The following ITPR2 variants were observed in gnomAD, a reference collection of about 807,000 sequenced individuals.
ITPR2 encodes the protein inositol 1,4,5-trisphosphate-gated calcium channel ITPR2.
ITPR2 carries 207 observed loss-of-function variants against 317.1 expected under a neutral mutation model. That is an observed-to-expected ratio of 0.65 (90% CI 0.58 to 0.73). The LOEUF (loss-of-function observed/expected upper bound fraction) is 0.73, where lower values mean the gene tolerates loss of function less well. ITPR2 is among the 30% of genes least tolerant of loss of function. The probability of loss-of-function intolerance (pLI) is 0.00; values close to 1 mark genes in which losing one functional copy is unlikely to be tolerated. For synonymous variants in ITPR2, 1,156 were observed against 1,149.1 expected (o/e 1.01, Z -0.12); for missense variants, 2,613 against 3,284.0 (o/e 0.80, Z 4.99).
Position 26,686,507 on chromosome 12 carries a change from A to C in ITPR2, c.1122T>G (p.Leu374=). Residue 374 remains leucine (L), a synonymous_variant, in exon 11 of 57, where the codon CTT becomes CTG. Transcript: ENST00000381340. Reference sequence around the variant, plus strand: ...TTGGAACCAGGCAGTCAGCTCTCTGAAGAGTTGTGGCATCTAGTTCAAAAA... The same window carrying C: ...TTGGAACCAGGCAGTCAGCTCTCTGCAGAGTTGTGGCATCTAGTTCAAAAA... ...ASLFELDATT[L]QRADCLVPRN... The C allele has an allele frequency of 1.2e-6, 2 of 1,602,628 alleles. No individual in the cohort carries two copies. The highest frequency in any genetic ancestry group is 1.7e-6 in the Non-Finnish European group (2 of 1,174,166).
chr12:26,598,149 CCAGA>C (rs1272038084), intron 30 of ITPR2, among the ~76,000 whole-genome samples: 2 of 151,990 alleles, frequency 1.3e-5, no homozygotes, highest in African/African-American at 4.8e-5. Context: ...TCTCACATTT[CCAGA>C]CAATGAAGAG....
intron 2 of ITPR2, among the ~76,000 whole-genome samples, chr12:26,782,070 A>AGC (rs1555190866): frequency 0.071 from 8,701 of 121,790 alleles, 529 homozygotes; most frequent in Non-Finnish European, 0.091. Context: ...AGAGAGAGAG[A>AGC]GAGCGAGAGA....
At chr12:26,754,551 T>C (rs1463251760) in intron 2 of ITPR2, among the ~76,000 whole-genome samples, 1 of 152,212 alleles carries the variant, frequency 6.6e-6, no homozygotes, top group Admixed American at 6.5e-5. Flanking sequence ...ATAAAGAAAG[T>C]GAAATGTGTT....
Position 26,657,853 on chromosome 12 carries a change from G to A in ITPR2, c.2046C>T (p.Ser682=), listed in dbSNP as rs373537251. Residue 682 remains serine (S), a synonymous_variant, in exon 18 of 57, where the codon TCC becomes TCT. Coordinates refer to ENST00000381340, the MANE Select transcript of ITPR2 (RefSeq NM_002223.4). ...SMQADNPMES[S]ILSDDIDDEE... ...CATCATCAATGTCATCTGAAAGGAT[G>A]GAGCTCTCCATGGGGTTGTCTGCTT... 1 of 1,614,034 alleles carries A rather than the reference G, an allele frequency of 6.2e-7. No individual in the cohort carries two copies. Among genetic ancestry groups the A allele is most frequent in the African/African-American group, 1.3e-5 (1 of 74,928 alleles).
At chr12:26,734,518 T>C (rs1241135559) in intron 2 of ITPR2, among the ~76,000 whole-genome samples, 1 of 152,164 alleles carries the variant, frequency 6.6e-6, no homozygotes, top group African/African-American at 2.4e-5. Context: ...GCAATAATTT[T>C]CTAATAGGTG....
chr12:26,546,620 T>C (rs1251615910), intron 37 of ITPR2, among the ~76,000 whole-genome samples: 1 of 151,986 alleles, frequency 6.6e-6, no homozygotes, highest in Non-Finnish European at 1.5e-5. Flanking sequence ...AGAACAAAGC[T>C]GGAGGCATCA....
chr12:26,564,187 A>C (rs1439205102), intron 34 of ITPR2, among the ~76,000 whole-genome samples: 1 of 152,238 alleles, frequency 6.6e-6, no homozygotes, highest in Non-Finnish European at 1.5e-5. Context: ...CTAAAAATTA[A>C]GCATAAAAGA....
intron 9 of ITPR2, among the ~76,000 whole-genome samples, chr12:26,697,904 T>C (rs1264702497): frequency 6.6e-6 from 1 of 151,990 alleles, no homozygotes; most frequent in African/African-American, 2.4e-5. Flanking sequence ...AAAACATAAA[T>C]ACAAAATTAA....
At chr12:26,689,348 C>A (rs1592040637) in intron 10 of ITPR2, among the ~76,000 whole-genome samples, 1 of 151,926 alleles carries the variant, frequency 6.6e-6, no homozygotes, top group Middle Eastern at 3.4e-3. Flanking sequence ...GCCCGGAGGT[C>A]GAGGCCACAG....
chr12:26,408,362 A>G (rs1052406243), intron 52 of ITPR2, among the ~76,000 whole-genome samples: 46 of 152,210 alleles, frequency 3.0e-4, no homozygotes, highest in Admixed American at 2.6e-3. Flanking sequence ...TTCTAAAAAT[A>G]TTTACTTTTT....
intron 26 of ITPR2, among the ~76,000 whole-genome samples, chr12:26,618,501 G>A (rs1946419759): frequency 6.6e-6 from 1 of 152,160 alleles, no homozygotes; most frequent in East Asian, 1.9e-4. Context: ...AATATATCAA[G>A]TGTACTCAAT....
intron 32 of ITPR2, among the ~76,000 whole-genome samples, chr12:26,582,109 C>T (rs11048592): frequency 0.032 from 4,909 of 152,200 alleles, 125 homozygotes; most frequent in Middle Eastern, 0.092. Flanking sequence ...TTCATTTAAA[C>T]AAGAAATTCA....
In ITPR2 at chr12:26,659,216, T is replaced by C. The variant is rs1947441790; in HGVS notation, c.1783A>G (p.Ile595Val). The C allele has an allele frequency of 1.2e-6, 2 of 1,613,486 alleles. No individual in the cohort carries two copies. Among genetic ancestry groups the C allele is most frequent in the Non-Finnish European group, 8.5e-7 (1 of 1,179,532 alleles). ...CTGTTGTTGTGCAACAAAGCTGTGA[T>C]AGTATCTTCTGCCAAAATATCATAG... ...IGYDILAEDT[I>V]TALLHNNRKL... is the part of the protein sequence containing the mutation. Residue 595 changes from isoleucine to valine, a missense_variant, in exon 16 of 57, where the codon ATC (isoleucine) becomes GTC (valine). Coordinates refer to ENST00000381340, the MANE Select transcript of ITPR2 (RefSeq NM_002223.4).
chr12:26,476,264 A>T (rs1340886715), intron 44 of ITPR2, among the ~76,000 whole-genome samples: 1 of 152,200 alleles, frequency 6.6e-6, no homozygotes, highest in Non-Finnish European at 1.5e-5. Flanking sequence ...CCCTGATGTG[A>T]GTGGGGCTTA....
chr12:26,751,016 C>G (rs1461751819), intron 2 of ITPR2, among the ~76,000 whole-genome samples: 3 of 152,178 alleles, frequency 2.0e-5, no homozygotes, highest in African/African-American at 7.2e-5. Flanking sequence ...AGTCACCACA[C>G]TGGCAAAAGA....
chr12:26,622,267 C>T lies in ITPR2; in HGVS notation c.3261G>A (p.Arg1087=). 6.2e-7 allele frequency: 1 copy of T among 1,613,256 alleles called. No individual in the cohort carries two copies. Among genetic ancestry groups the T allele is most frequent in the Non-Finnish European group, 8.5e-7 (1 of 1,179,618 alleles). Residue 1087 remains arginine (R), a synonymous_variant, in exon 25 of 57, where the codon AGG becomes AGA. Transcript: ENST00000381340. The part of the protein sequence containing the change: ...LQLLFKHFSQ[R]AEVLQAFKQV... ...GCTTAAATGCCTGTAAAACCTCTGCCCTCTGGCTGAAGTGCTTAAACAACA... is the reference window on the plus strand; with the variant it reads ...GCTTAAATGCCTGTAAAACCTCTGCTCTCTGGCTGAAGTGCTTAAACAACA...
chr12:26,656,188 G>T, intron 19 of ITPR2, 109 bp downstream of exon 19: 1 of 1,375,962 alleles, frequency 7.3e-7, no homozygotes, highest in Non-Finnish European at 1.0e-6. Context: ...AACAACCCAA[G>T]ACAGGATACA....
intron 24 of ITPR2, 47 bp from the exon 25 acceptor site, chr12:26,622,452 T>A: frequency 7.1e-7 from 1 of 1,415,264 alleles, no homozygotes; most frequent in Non-Finnish European, 9.6e-7. Flanking sequence ...TTATATAACA[T>A]CTACACTTCA....
chr12:26,423,203 GGAGA>G (rs146613339), intron 49 of ITPR2, among the ~76,000 whole-genome samples: 1 of 151,470 alleles, frequency 6.6e-6, no homozygotes, highest in African/African-American at 2.4e-5. Context: ...CTGTGTGTGT[GGAGA>G]GAGAGAGAGA....
Sources: gnomAD v4.1 joint callset for allele counts (sites outside exome capture counted in the v4.1 genomes callset) on GRCh38, gnomAD v4.1.1 for gene constraint, MANE v1.5 for transcripts, NCBI Gene and HGNC (gene_info 2026-07-23, HGNC 2026-07-21) for gene names.